The following ULK4 variants were observed in gnomAD, a reference collection of about 807,000 sequenced individuals.
ULK4 encodes unc-51 like kinase 4.
In ULK4, 133 loss-of-function variants were observed where a neutral mutation model predicts 160.6. The observed-to-expected ratio is 0.83, with a 90% CI of 0.72 to 0.96. The LOEUF is 0.96. Ranked by LOEUF, ULK4 falls within the 40% of genes least tolerant of loss-of-function variation. ULK4 has a pLI of 0.00. For synonymous variants in ULK4, 534 were observed against 539.8 expected, an observed-to-expected ratio of 0.99 and a Z score of 0.15; for missense variants, 1,580 against 1,499.5, an observed-to-expected ratio of 1.05 and a Z score of -0.89.
chr3:41,785,369 C>G (rs536882668), intron 21 of ULK4, among the ~76,000 whole-genome samples: 2 of 152,066 alleles, frequency 1.3e-5, no homozygotes, highest in Non-Finnish European at 2.9e-5. Context: ...AATGCATAGA[C>G]GCAGACAGAA....
chr3:41,934,752 A>G (rs1274817574), intron 4 of ULK4, among the ~76,000 whole-genome samples: 2 of 152,174 alleles, frequency 1.3e-5, no homozygotes, highest in African/African-American at 4.8e-5. Flanking sequence ...ATTTTACCAA[A>G]AGAGAAAATA....
chr3:41,417,452 A>G (rs1311227630), intron 34 of ULK4, among the ~76,000 whole-genome samples: 1 of 152,172 alleles, frequency 6.6e-6, no homozygotes, highest in East Asian at 1.9e-4. Context: ...ATGGGGTTGG[A>G]GGAGGCTGTG....
intron 27 of ULK4, among the ~76,000 whole-genome samples, chr3:41,699,703 T>C (rs542613702): frequency 1.3e-5 from 2 of 152,252 alleles, no homozygotes; most frequent in Non-Finnish European, 2.9e-5. Flanking sequence ...TTGAACATCA[T>C]GTGTGCTAAC....
intron 5 of ULK4, among the ~76,000 whole-genome samples, chr3:41,927,426 G>A (rs1353078951): frequency 6.6e-6 from 1 of 152,140 alleles, no homozygotes; most frequent in African/African-American, 2.4e-5. Flanking sequence ...ACACTGTGAA[G>A]AAACTGCACC....
intron 16 of ULK4, 135 bp from the exon 17 acceptor site, chr3:41,884,087 C>T: frequency 1.5e-6 from 1 of 673,768 alleles, no homozygotes; most frequent in South Asian, 1.8e-5. Flanking sequence ...ACAGGTCAGG[C>T]CCACACTCCC....
intron 14 of ULK4, among the ~76,000 whole-genome samples, chr3:41,897,397 A>G (rs1473917920): frequency 6.6e-6 from 1 of 151,472 alleles, no homozygotes; most frequent in Non-Finnish European, 1.5e-5. Flanking sequence ...AAAAAGTTCC[A>G]ATAAAATTAT....
At chr3:41,773,407 G>C (rs778823056) in intron 21 of ULK4, among the ~76,000 whole-genome samples, 1 of 152,030 alleles carries the variant, frequency 6.6e-6, no homozygotes, top group Non-Finnish European at 1.5e-5. Context: ...AAAAATCACA[G>C]GCATTCTTAT....
intron 35 of ULK4, among the ~76,000 whole-genome samples, chr3:41,357,144 G>C (rs970788903): frequency 6.6e-6 from 1 of 152,150 alleles, no homozygotes; most frequent in African/African-American, 2.4e-5. Context: ...CTTGGACTAT[G>C]TGAGGACATT....
intron 32 of ULK4, among the ~76,000 whole-genome samples, chr3:41,539,496 G>C (rs2086624524): frequency 6.6e-6 from 1 of 151,912 alleles, no homozygotes; most frequent in South Asian, 2.1e-4. Context: ...ATAATCATTT[G>C]TGTGGTTTCT....
chr3:41,447,950 T>C (rs2083340934), intron 34 of ULK4, among the ~76,000 whole-genome samples: 1 of 152,174 alleles, frequency 6.6e-6, no homozygotes, highest in Non-Finnish European at 1.5e-5. Flanking sequence ...CACCACCTCC[T>C]ACTAGAGGCC....
At chr3:41,704,985 C>A in intron 27 of ULK4, 72 bp downstream of exon 27, 1 of 1,221,848 alleles carries the variant, frequency 8.2e-7, no homozygotes, top group Non-Finnish European at 1.1e-6. Context: ...GCACTGTAAA[C>A]GAGGCCTCTT....
intron 3 of ULK4, among the ~76,000 whole-genome samples, chr3:41,936,750 T>C (rs948200561): frequency 1.3e-5 from 2 of 151,970 alleles, no homozygotes; most frequent in African/African-American, 4.8e-5. Flanking sequence ...AACAGAAGAA[T>C]GGCTACCAGA....
At chr3:41,792,414 T>A (rs576738677) in intron 20 of ULK4, among the ~76,000 whole-genome samples, 126 of 151,788 alleles carry the variant, frequency 8.3e-4, no homozygotes, top group East Asian at 9.9e-4. Flanking sequence ...GTATTTTTTT[T>A]AAAAAAAAGA....
In ULK4 at chr3:41,649,038, G is replaced by A. The variant is rs565262151; in HGVS notation, c.3071+14569C>T. Among the ~76,000 whole-genome samples the A allele has an allele frequency of 2.2e-4, 33 of 152,056 alleles. No individual in the cohort carries two copies. In the East Asian group the frequency reaches 2.7e-3, roughly 13 times the overall value. ...ACCTACTTGGGAAGCTGAGGCAGGC[G>A]GGTTGTTTGAGCCCAGGATGCAGAG... is the stretch of plus-strand genomic sequence containing the variant. On this transcript the variant is annotated intron_variant, in intron 30 of 36. Coordinates refer to ENST00000301831, the MANE Select transcript of ULK4 (RefSeq NM_017886.4).
intron 21 of ULK4, among the ~76,000 whole-genome samples, chr3:41,772,472 G>T (rs1202617173): frequency 1.3e-5 from 2 of 152,126 alleles, no homozygotes; most frequent in African/African-American, 4.8e-5. Flanking sequence ...AAATCTAGAA[G>T]AAATGGATAA....
At chr3:41,800,443 G>A in intron 19 of ULK4, 150 bp from the exon 20 acceptor site, 1 of 686,414 alleles carries the variant, frequency 1.5e-6, no homozygotes, top group East Asian at 2.7e-5. Flanking sequence ...ACTCTTTCAG[G>A]TCATTATGAA....
chr3:41,622,071 A>G (rs915693735), intron 30 of ULK4, among the ~76,000 whole-genome samples: 1 of 152,242 alleles, frequency 6.6e-6, no homozygotes, highest in African/African-American at 2.4e-5. Flanking sequence ...ATACCATCTC[A>G]AGCCAGTTGG....
At chr3:41,939,012 C>T (rs538283692) in intron 2 of ULK4, among the ~76,000 whole-genome samples, 4 of 152,220 alleles carry the variant, frequency 2.6e-5, no homozygotes, top group African/African-American at 7.2e-5. Context: ...ATATCGTCAA[C>T]ATTAAAATGT....
intron 6 of ULK4, among the ~76,000 whole-genome samples, chr3:41,919,101 T>C (rs1232292937): frequency 2.0e-5 from 3 of 152,150 alleles, no homozygotes; most frequent in Admixed American, 6.6e-5. Flanking sequence ...AATGGGTGCA[T>C]GGGCCATTCA....
Sources: allele counts gnomAD v4.1 joint callset (sites outside exome capture counted in the v4.1 genomes callset), GRCh38; gene constraint gnomAD v4.1.1; transcripts MANE v1.5; gene names NCBI Gene and HGNC (gene_info 2026-07-23, HGNC 2026-07-21).